The following FBN2 variants were observed in gnomAD, a reference collection of about 807,000 sequenced individuals.
The protein encoded by FBN2 is fibrillin-2.
Under a neutral mutation model 355.6 loss-of-function variants are expected in FBN2, and 105 were observed. The observed-to-expected ratio is 0.30, with a 90% CI of 0.25 to 0.35. The LOEUF (loss-of-function observed/expected upper bound fraction) is 0.35, where lower values mean the gene tolerates loss of function less well. Among genes scored for constraint, FBN2 ranks in the 10% least tolerant of loss-of-function variants. The pLI is 1.00. For synonymous variants in FBN2, 1,350 were observed against 1,301.2 expected (o/e 1.04, Z -0.81); for missense variants, 3,280 against 3,758.7 (o/e 0.87, Z 3.33).
chr5:128,424,279 C>T (rs752064166), intron 7 of FBN2, among the ~76,000 whole-genome samples: 5 of 151,980 alleles, frequency 3.3e-5, no homozygotes, highest in Non-Finnish European at 5.9e-5. Flanking sequence ...CTGGTGACAT[C>T]GATGAAATTA....
intron 11 of FBN2, among the ~76,000 whole-genome samples, chr5:128,379,900 C>T (rs1298210459): frequency 6.6e-6 from 1 of 152,062 alleles, no homozygotes; most frequent in Admixed American, 6.6e-5. Context: ...ACAATAAAAT[C>T]AGTTCACAGG....
At chr5:128,486,768 C>G (rs1438885654) in intron 5 of FBN2, among the ~76,000 whole-genome samples, 1 of 152,120 alleles carries the variant, frequency 6.6e-6, no homozygotes, top group African/African-American at 2.4e-5. Context: ...GCCATCCCTC[C>G]CCCATCCCCC....
intron 7 of FBN2, among the ~76,000 whole-genome samples, chr5:128,429,574 G>A (rs752845053): frequency 1.3e-5 from 2 of 152,032 alleles, no homozygotes; most frequent in Admixed American, 6.6e-5. Flanking sequence ...TATACACAAC[G>A]TAACATTATA....
chr5:128,272,104 C>T lies in FBN2; in HGVS notation c.7855G>A (p.Asp2619Asn). The change falls in exon 62 of 65, where the codon GAT becomes AAT. Residue 2619 changes from aspartate to asparagine, a missense_variant. Around this residue, in one of 6 missense-constraint regions of FBN2, gnomAD observed 2,284 missense variants for 2,749.5 expected, o/e 0.83. Transcript: ENST00000262464. ...CCGTGTTGGCACCTGTGGTTCCCAT[C>T]ACATTCATCAACATCTGCAAAAACA... ...GLNCEDVDEC[D>N]GNHRCQHGCQ... 2 of 1,614,012 alleles carry T rather than the reference C, an allele frequency of 1.2e-6. No individual in the cohort carries two copies. Among genetic ancestry groups the T allele is most frequent in the Non-Finnish European group, 1.7e-6 (2 of 1,179,938 alleles).
At chr5:128,516,374 C>CTG (rs1756280395) in intron 5 of FBN2, among the ~76,000 whole-genome samples, 1 of 145,362 alleles carries the variant, frequency 6.9e-6, no homozygotes, top group Non-Finnish European at 1.5e-5. Flanking sequence ...CACAAGAACT[C>CTG]TTTTTTTTTT....
Position 128,393,263 on chromosome 5 carries a change from C to T in FBN2, c.1337G>A (p.Gly446Asp). 1.2e-6 allele frequency: 2 copies of T among 1,614,160 alleles called. No individual in the cohort carries two copies. Among genetic ancestry groups the T allele is most frequent in the Non-Finnish European group, 1.7e-6 (2 of 1,180,024 alleles). The change falls in exon 10 of 65, where the codon GGC becomes GAC. Residue 446 changes from glycine (G) to aspartate (D), a missense_variant. Around this residue, in one of 6 missense-constraint regions of FBN2, gnomAD observed 343 missense variants for 331.0 expected, o/e 1.04. Coordinates refer to ENST00000262464, the MANE Select transcript of FBN2 (RefSeq NM_001999.4). ...TCCTGGGCCATAGCCATTGCCATTGCCACTTGGGGCAAAGCCATTTCCCCC... is the reference window on the plus strand; with the variant it reads ...TCCTGGGCCATAGCCATTGCCATTGTCACTTGGGGCAAAGCCATTTCCCCC... ...GTGGNGFAPS[G>D]NGNGYGPGGT... is the part of the protein sequence containing the mutation.
intron 62 of FBN2, among the ~76,000 whole-genome samples, chr5:128,270,102 TC>T (rs541648641): frequency 2.0e-5 from 3 of 152,272 alleles, no homozygotes; most frequent in South Asian, 4.1e-4. Context: ...GGAAAGGATC[TC>T]CTATTCAGTA....
At chr5:128,417,559 G>A (rs1340487643) in intron 7 of FBN2, among the ~76,000 whole-genome samples, 1 of 152,124 alleles carries the variant, frequency 6.6e-6, no homozygotes, top group East Asian at 1.9e-4. Flanking sequence ...TTTTCATGAA[G>A]GGATGATGGA....
chr5:128,518,057 A>G (rs1311904140), intron 5 of FBN2, among the ~76,000 whole-genome samples: 1 of 152,170 alleles, frequency 6.6e-6, no homozygotes, highest in Admixed American at 6.5e-5. Context: ...TATTTTAGAT[A>G]GCTTACACAC....
rs2126816893 is a variant in FBN2 at position 128,286,842 on chromosome 5, A to G, written c.6888T>C (p.Asp2296=). 1.2e-6 allele frequency: 2 copies of G among 1,614,080 alleles called. No homozygotes were observed. Among genetic ancestry groups the G allele is most frequent in the Non-Finnish European group, 1.7e-6 (2 of 1,179,932 alleles). ...REDQKMCKDL[D]ECAEGLHDCE... ...AGTCGTGTAACCCTTCAGCACATTCATCCAGATCTAGAACAAAAAATAAAA... is the reference window on the plus strand; with the variant it reads ...AGTCGTGTAACCCTTCAGCACATTCGTCCAGATCTAGAACAAAAAATAAAA... Residue 2296 remains aspartate (D), a synonymous_variant, in exon 55 of 65, where the codon GAT becomes GAC. Coordinates refer to ENST00000262464, the MANE Select transcript of FBN2 (RefSeq NM_001999.4).
intron 18 of FBN2, among the ~76,000 whole-genome samples, chr5:128,363,896 G>A (rs1425071142): frequency 1.3e-5 from 2 of 152,102 alleles, no homozygotes; most frequent in African/African-American, 2.4e-5. Flanking sequence ...GCCACTACCA[G>A]AAACACAGAA....
chr5:128,322,361 T>C (rs568408599), intron 34 of FBN2, among the ~76,000 whole-genome samples: 2 of 152,362 alleles, frequency 1.3e-5, no homozygotes, highest in Admixed American at 1.3e-4. Context: ...TCTTTGCCCA[T>C]GCCTATGTCT....
Position 128,537,895 on chromosome 5 carries a change from G to A in FBN2, c.-292C>T, listed in dbSNP as rs1192686234. ...CGTTGCATAACCGGCCTAAAGCCCC[G>A]AGCGACTCCAGGACCGTCAGCGGGC... On this transcript the variant is annotated 5_prime_UTR_variant, in exon 1 of 65. Coordinates refer to ENST00000262464, the MANE Select transcript of FBN2 (RefSeq NM_001999.4). 3 of 522,414 alleles carry A rather than the reference G, an allele frequency of 5.7e-6. No individual in the cohort carries two copies. The highest frequency in any genetic ancestry group is 4.9e-5 in the South Asian group (2 of 40,648). 32.4% of individuals were successfully genotyped at this position (522,414 alleles called of 1,614,324 possible).
intron 51 of FBN2, 75 bp from the exon 52 acceptor site, chr5:128,289,327 A>G (rs1749254483): frequency 6.6e-7 from 1 of 1,522,418 alleles, no homozygotes; most frequent in East Asian, 2.3e-5. Flanking sequence ...TCATGCTTAT[A>G]AATCCCAGCA....
chr5:128,404,167 T>G (rs1752869447), intron 8 of FBN2, among the ~76,000 whole-genome samples: 1 of 152,212 alleles, frequency 6.6e-6, no homozygotes, highest in Non-Finnish European at 1.5e-5. Context: ...ACATATATAA[T>G]TCAACCAAAT....
Position 128,309,343 on chromosome 5 carries a change from A to G in FBN2, c.5257T>C (p.Leu1753=), listed in dbSNP as rs776862644. ...SYNGTTCENE[L]PFNVTKRMCC... ...ATCCTTTTTGTCACATTGAAAGGCA[A>G]CTCATTCTCACAAGTGGTTCCATTA... Residue 1753 remains leucine, a synonymous_variant, in exon 41 of 65, where the codon TTG becomes CTG. Coordinates refer to ENST00000262464, the MANE Select transcript of FBN2 (RefSeq NM_001999.4). The G allele has an allele frequency of 1.9e-6, 3 of 1,610,032 alleles. No individual in the cohort carries two copies. Among genetic ancestry groups the G allele is most frequent in the Admixed American group, 3.3e-5 (2 of 59,954 alleles).
chr5:128,524,533 C>T (rs143863433), intron 4 of FBN2, among the ~76,000 whole-genome samples: 7 of 152,284 alleles, frequency 4.6e-5, no homozygotes, highest in African/African-American at 7.2e-5. Context: ...GAAGTGCTGT[C>T]TGTTTCCAGG....
chr5:128,472,449 C>T (rs924681007), intron 5 of FBN2, among the ~76,000 whole-genome samples: 1 of 152,028 alleles, frequency 6.6e-6, no homozygotes, highest in African/African-American at 2.4e-5. Context: ...TGGATGAGGG[C>T]AATGGGTGCA....
chr5:128,378,982 G>A, intron 11 of FBN2, 92 bp from the exon 12 acceptor site: 1 of 1,397,504 alleles, frequency 7.2e-7, no homozygotes, highest in Non-Finnish European at 1.0e-6. Context: ...TTTGAGAGAA[G>A]GCCAGTCAGT....
Sources: allele counts gnomAD v4.1 joint callset (sites outside exome capture counted in the v4.1 genomes callset), GRCh38; gene constraint gnomAD v4.1.1; regional missense constraint gnomAD v4.1.1; transcripts MANE v1.5; gene names NCBI Gene and HGNC (gene_info 2026-07-23, HGNC 2026-07-21).